PCDHA6: variants seen among roughly 807,000 people sequenced by gnomAD.
PCDHA6 encodes the protein protocadherin alpha 6.
A neutral mutation model predicts 60.3 loss-of-function variants in PCDHA6; 55 were observed. The ratio of observed to expected loss-of-function variants is 0.91; its 90% CI spans 0.73 to 1.14. The LOEUF (loss-of-function observed/expected upper bound fraction) is 1.14, where lower values mean the gene tolerates loss of function less well. Among genes scored for constraint, PCDHA6 ranks in the 50% most tolerant of loss-of-function variants. The probability of loss-of-function intolerance (pLI) is 0.00; values close to 1 mark genes in which losing one functional copy is unlikely to be tolerated. For synonymous variants in PCDHA6, 652 were observed against 557.9 expected (o/e 1.17, Z -2.38); for missense variants, 1,327 against 1,256.5 (o/e 1.06, Z -0.85).
chr5:140,872,785 C>A (rs781982200), intron 1 of PCDHA6, among the ~76,000 whole-genome samples: 1 of 152,072 alleles, frequency 6.6e-6, no homozygotes, highest in Non-Finnish European at 1.5e-5. Context: ...ATAATATATG[C>A]TAGTTGGCAT....
chr5:140,882,996 A>G lies in PCDHA6; in HGVS notation c.2394+52511A>G, dbSNP rs782381110. On this transcript the variant is annotated intron_variant, in intron 1 of 3. Transcript: ENST00000529310. The stretch of plus-strand genomic sequence containing the variant: ...GTGAATGACAACGCCCCGGAATTTT[A>G]CCAATCCGTTTATAAAGTGACGGTG... 2.9e-5 allele frequency: 46 copies of G among 1,614,024 alleles called. No individual in the cohort carries two copies. The Middle Eastern group carries it at 4.9e-4, about 17-fold the overall frequency.
chr5:140,841,077 G>A, intron 1 of PCDHA6: 1 of 526,540 alleles, frequency 1.9e-6, no homozygotes, highest in South Asian at 2.8e-5. Flanking sequence ...GAAATAGAAA[G>A]TGCATAGAAG....
chr5:140,925,371 A>ATATT (rs1554202717), intron 1 of PCDHA6, among the ~76,000 whole-genome samples: 1 of 152,136 alleles, frequency 6.6e-6, no homozygotes, highest in Non-Finnish European at 1.5e-5. Context: ...CATAGTCAAT[A>ATATT]GTCAATGAGT....
At chr5:140,920,501 A>G (rs1404369467) in intron 1 of PCDHA6, among the ~76,000 whole-genome samples, 1 of 152,194 alleles carries the variant, frequency 6.6e-6, no homozygotes, top group Non-Finnish European at 1.5e-5. Context: ...AGAGTTCTAC[A>G]TACTGTTTTA....
chr5:140,993,368 T>A (rs1354951477), intron 3 of PCDHA6, among the ~76,000 whole-genome samples: 2 of 151,944 alleles, frequency 1.3e-5, no homozygotes, highest in Middle Eastern at 6.8e-3. Flanking sequence ...AAAAACTACC[T>A]CCCAGCCGGG....
chr5:140,890,097 C>G (rs1554184163), intron 1 of PCDHA6, among the ~76,000 whole-genome samples: 1 of 152,136 alleles, frequency 6.6e-6, no homozygotes, highest in African/African-American at 2.4e-5. Context: ...AATTTATTCC[C>G]AACTCTGGAT....
At chr5:140,912,914 T>C (rs141956430) in intron 1 of PCDHA6, among the ~76,000 whole-genome samples, 326 of 152,372 alleles carry the variant, frequency 2.1e-3, no homozygotes, top group African/African-American at 7.4e-3. Context: ...ATTGATTGAT[T>C]TGTGTATGTT....
In PCDHA6 at chr5:141,009,987, A is replaced by C. The variant is rs2154001821; in HGVS notation, c.*50A>C. The C allele has an allele frequency of 6.3e-7, 1 of 1,580,396 alleles. No individual in the cohort carries two copies. Among genetic ancestry groups the C allele is most frequent in the East Asian group, 2.2e-5 (1 of 44,670 alleles). On this transcript the variant is annotated 3_prime_UTR_variant, in exon 4 of 4. Coordinates refer to ENST00000529310, the MANE Select transcript of PCDHA6 (RefSeq NM_018909.4). The stretch of plus-strand genomic sequence containing the variant: ...TTAGCCAGTTTTTGTAATAATGGCA[A>C]ATCTCTCCCATGTAGCAATTCCCTG...
chr5:140,963,856 C>T lies in PCDHA6; in HGVS notation c.2395-15093C>T, dbSNP rs76429225. 1.1e-4 allele frequency among the ~76,000 whole-genome samples: 16 copies of T among 152,242 alleles called. No individual in the cohort carries two copies. The East Asian group carries it at 2.5e-3, about 24-fold the overall frequency. On this transcript the variant is annotated intron_variant, in intron 1 of 3. Coordinates refer to ENST00000529310, the MANE Select transcript of PCDHA6 (RefSeq NM_018909.4). ...TTTCTCATGTAATCATAATAATAAC[C>T]GTATGAGTTTTGCTTACTATTGTTT... is the stretch of plus-strand genomic sequence containing the variant.
chr5:140,876,478 G>A (rs782344970), intron 1 of PCDHA6: 1 of 1,614,032 alleles, frequency 6.2e-7, no homozygotes. Flanking sequence ...TCACAGCATG[G>A]TCCTGGTGGA....
At position 140,857,694 on chromosome 5, in the gene PCDHA6, C is replaced by T. The variant is rs1554150531; in HGVS notation, c.2394+27209C>T. 1 of 1,597,142 alleles carries T rather than the reference C, an allele frequency of 6.3e-7. No individual in the cohort carries two copies. Among genetic ancestry groups the T allele is most frequent in the Non-Finnish European group, 8.6e-7 (1 of 1,167,746 alleles). On this transcript the variant is annotated intron_variant, in intron 1 of 3. Coordinates refer to ENST00000529310, the MANE Select transcript of PCDHA6 (RefSeq NM_018909.4). Reference sequence around the variant, plus strand: ...GTGCCGCCTCTGGGCAGCAACTTGACGCTGCAGGTGTTCGTGCTGGACGAG... The same window carrying T: ...GTGCCGCCTCTGGGCAGCAACTTGATGCTGCAGGTGTTCGTGCTGGACGAG...
At chr5:140,866,584 T>C (rs2049444092) in intron 1 of PCDHA6, 1 of 152,156 alleles carries the variant, frequency 6.6e-6, no homozygotes, top group Non-Finnish European at 1.5e-5. Context: ...GGTTGGATAA[T>C]GTAATTCTAA....
intron 1 of PCDHA6, among the ~76,000 whole-genome samples, chr5:140,915,626 G>GTCTCTC (rs57920489): frequency 0.011 from 1,557 of 146,506 alleles, 25 homozygotes; most frequent in African/African-American, 0.018. Flanking sequence ...GTCTCTTTCT[G>GTCTCTC]TCTCTCTCTC....
chr5:140,851,090 A>G lies in PCDHA6; in HGVS notation c.2394+20605A>G. 3.9e-6 allele frequency: 5 copies of G among 1,295,740 alleles called. 1 individual carries two copies. Among genetic ancestry groups the G allele is most frequent in the African/African-American group, 1.5e-5 (1 of 65,588 alleles). The allele number at this position is 1,295,740 out of a possible 1,614,324, so 80.3% of individuals were successfully genotyped here. ...GAGAATTATAAACTGTATATTAAAT[A>G]GATATTTTTTGGGTGCTGAATCAAT... is the stretch of plus-strand genomic sequence containing the variant. On this transcript the variant is annotated intron_variant, in intron 1 of 3. Coordinates refer to ENST00000529310, the MANE Select transcript of PCDHA6 (RefSeq NM_018909.4).
chr5:140,829,062 A>G lies in PCDHA6; in HGVS notation c.971A>G (p.Asp324Gly), dbSNP rs1250772416. ...TACAAAATCCTCATTGACGCCACGGACAAAGGCCATCCTCCCATGGCGGGT... is the reference window on the plus strand; with the variant it reads ...TACAAAATCCTCATTGACGCCACGGGCAAAGGCCATCCTCCCATGGCGGGT... ...NLYKILIDATDKGHPPMAGHC... is the reference protein window; with the variant it reads ...NLYKILIDATGKGHPPMAGHC... The change falls in exon 1 of 4, where the codon GAC becomes GGC. Residue 324 changes from aspartate to glycine, a missense_variant. Coordinates refer to ENST00000529310, the MANE Select transcript of PCDHA6 (RefSeq NM_018909.4). The G allele has an allele frequency of 6.2e-7, 1 of 1,612,838 alleles. No homozygotes were observed. The highest frequency in any genetic ancestry group is 1.1e-5 in the South Asian group (1 of 91,058).
chr5:140,879,596 A>G (rs1324407694), intron 1 of PCDHA6, among the ~76,000 whole-genome samples: 1 of 152,240 alleles, frequency 6.6e-6, no homozygotes, highest in East Asian at 1.9e-4. Flanking sequence ...TGAAAAGTGA[A>G]AAACAATGTG....
intron 1 of PCDHA6, chr5:140,882,667 C>T (rs576133039): frequency 1.2e-6 from 2 of 1,614,160 alleles, no homozygotes; most frequent in Non-Finnish European, 1.7e-6. Flanking sequence ...CGCCCATATT[C>T]CCTGAAAGCA....
At chr5:140,853,965 C>A (rs1349706249) in intron 1 of PCDHA6, 2 of 649,666 alleles carry the variant, frequency 3.1e-6, no homozygotes, top group African/African-American at 2.0e-5. Context: ...TTGAGCCCAG[C>A]AGTTTGAGAC....
At chr5:140,986,532 C>G (rs1298199477) in intron 3 of PCDHA6, among the ~76,000 whole-genome samples, 2 of 152,184 alleles carry the variant, frequency 1.3e-5, no homozygotes, top group Non-Finnish European at 2.9e-5. Context: ...GGGAACTGGC[C>G]TGGCTTCAGT....
Sources: gnomAD v4.1 joint callset for allele counts (sites outside exome capture counted in the v4.1 genomes callset) on GRCh38, gnomAD v4.1.1 for gene constraint, MANE v1.5 for transcripts, NCBI Gene and HGNC (gene_info 2026-07-23, HGNC 2026-07-21) for gene names.